Variants in FBP2 observed in about 807,000 individuals in gnomAD.
FBP2 encodes fructose-1,6-bisphosphatase isozyme 2.
Under a neutral mutation model 31.6 loss-of-function variants are expected in FBP2, and 27 were observed. The ratio of observed to expected loss-of-function variants is 0.85; its 90% CI spans 0.63 to 1.18. The LOEUF (loss-of-function observed/expected upper bound fraction) is 1.18, where lower values mean the gene tolerates loss of function less well. Among genes scored for constraint, FBP2 ranks in the 50% most tolerant of loss-of-function variants. The pLI, the probability that FBP2 is intolerant of heterozygous loss-of-function variation, is 0.00. For synonymous variants in FBP2, 168 were observed against 179.8 expected, an observed-to-expected ratio of 0.93 and a Z score of 0.53; for missense variants, 421 against 436.1, an observed-to-expected ratio of 0.97 and a Z score of 0.31.
chr9:94,577,575 T>A (rs1002674181), intron 3 of FBP2: 1 of 152,240 alleles, frequency 6.6e-6, no homozygotes, highest in Admixed American at 6.5e-5. Context: ...TCATTATTTA[T>A]GGTCTAAATT....
chr9:94,588,688 T>C (rs577523685), intron 1 of FBP2, among the ~76,000 whole-genome samples: 42 of 152,294 alleles, frequency 2.8e-4, no homozygotes, highest in Admixed American at 5.9e-4. Context: ...ACTTCCACCC[T>C]CGCCCCTTCA....
intron 3 of FBP2, among the ~76,000 whole-genome samples, chr9:94,573,308 G>C (rs1332217575): frequency 6.6e-6 from 1 of 152,114 alleles, no homozygotes; most frequent in Non-Finnish European, 1.5e-5. Flanking sequence ...GCCCAGGGTG[G>C]AGTGCAGTGG....
Position 94,567,272 on chromosome 9 carries a change from C to T in FBP2, c.703G>A (p.Glu235Lys). 6.2e-7 allele frequency: 1 copy of T among 1,614,140 alleles called. No homozygotes were observed. The highest frequency in any genetic ancestry group is 8.5e-7 in the Non-Finnish European group (1 of 1,180,026). Residue 235 changes from glutamate to lysine, a missense_variant and splice_region_variant, in exon 5 of 7, where the codon GAG becomes AAG. Physicochemically the swap from Glu to Lys is moderately conservative, Grantham distance 56. Transcript: ENST00000375337. ...CCCACCTGGCTTTCTTCACTCACCT[C>T]AGGGAATTTCTTTTTCTGCACATAT... ...TEYVQKKKFP[E>K]DGSAPYGARY... is the part of the protein sequence containing the mutation.
chr9:94,593,706 G>C lies in FBP2; in HGVS notation c.21C>G (p.Phe7Leu), dbSNP rs145086444. Residue 7 changes from phenylalanine (F) to leucine (L), a missense_variant, in exon 1 of 7, where the codon TTC becomes TTG. By Grantham distance (22) the Phe-to-Leu change is conservative. Coordinates refer to ENST00000375337, the MANE Select transcript of FBP2 (RefSeq NM_003837.4). Reference protein sequence around the residue: MTDRSPFETDMLTLTRY... With the variant: MTDRSPLETDMLTLTRY... ...GGGTCAGGGTGAGCATGTCGGTTTC[G>C]AAGGGGCTTCTGTCCGTCATTTTGG... The C allele has an allele frequency of 3.1e-6, 5 of 1,614,180 alleles. No homozygotes were observed. The South Asian group carries it at 4.4e-5, about 14-fold the overall frequency.
At chr9:94,567,221 C>G in intron 5 of FBP2, 49 bp downstream of exon 5, 1 of 1,607,760 alleles carries the variant, frequency 6.2e-7, no homozygotes, top group Non-Finnish European at 8.5e-7. Context: ...AAACAGGACC[C>G]CATGGGGACA....
At chr9:94,580,148 T>C (rs1328555452) in intron 3 of FBP2, among the ~76,000 whole-genome samples, 1 of 152,234 alleles carries the variant, frequency 6.6e-6, no homozygotes, top group Non-Finnish European at 1.5e-5. Flanking sequence ...CTATGTTGTC[T>C]TTATTAGGTT....
At position 94,583,470 on chromosome 9, in the gene FBP2, T is replaced by TAC. The variant is rs541678018; in HGVS notation, c.426+1106_426+1107insGT. ...AATATAACCCAAACTATACAGGCCT[T>TAC]AAATACTCATATTTCTGCCATAGAT... On this transcript the variant is annotated intron_variant, in intron 3 of 6. Transcript: ENST00000375337. 3.0e-4 allele frequency among the ~76,000 whole-genome samples: 46 copies of TAC among 152,328 alleles called. No individual in the cohort carries two copies. In the East Asian group the frequency reaches 6.9e-3, roughly 23 times the overall value.
chr9:94,568,719 C>T (rs535514675), intron 4 of FBP2: 2 of 152,268 alleles, frequency 1.3e-5, no homozygotes, highest in African/African-American at 2.4e-5. Context: ...CAAGGAGACT[C>T]AATAACAAAA....
At chr9:94,582,075 A>G (rs1490123217) in intron 3 of FBP2, among the ~76,000 whole-genome samples, 1 of 152,188 alleles carries the variant, frequency 6.6e-6, no homozygotes, top group African/African-American at 2.4e-5. Flanking sequence ...ACCAGCCAAG[A>G]CTACAGCTTT....
At position 94,584,622 on chromosome 9, in the gene FBP2, A is replaced by G; in HGVS notation, c.381T>C (p.Ile127=). 1 of 1,613,958 alleles carries G rather than the reference A, an allele frequency of 6.2e-7. No homozygotes were observed. The highest frequency in any genetic ancestry group is 8.5e-7 in the Non-Finnish European group (1 of 1,179,822). Residue 127 remains isoleucine (I), a synonymous_variant, in exon 3 of 7, where the codon ATT becomes ATC. Coordinates refer to ENST00000375337, the MANE Select transcript of FBP2 (RefSeq NM_003837.4). ...CFDPLDGSSN[I]DCLASIGTIF... ...TGGTTCCGATGGAGGCCAGGCAGTC[A>G]ATATTGGAAGATCCATCCAGTGGGT...
chr9:94,590,177 G>A (rs571054226), intron 1 of FBP2, among the ~76,000 whole-genome samples: 3 of 152,196 alleles, frequency 2.0e-5, no homozygotes, highest in Non-Finnish European at 2.9e-5. Context: ...CTTCACCTGA[G>A]ATGATGGGGG....
At position 94,559,071 on chromosome 9, in the gene FBP2, G is replaced by T. The variant is rs374298239; in HGVS notation, c.887C>A (p.Ala296Glu). 6.2e-7 allele frequency: 1 copy of T among 1,614,058 alleles called. No homozygotes were observed. The highest frequency in any genetic ancestry group is 2.2e-5 in the East Asian group (1 of 44,856). Residue 296 changes from alanine (A) to glutamate (E), a missense_variant, in exon 7 of 7, where the codon GCG becomes GAG. By Grantham distance (107) the Ala-to-Glu change is moderately radical. Coordinates refer to ENST00000375337, the MANE Select transcript of FBP2 (RefSeq NM_003837.4). Reference protein sequence around the residue: ...AYIIEQAGGLATTGTQPVLDV... With the variant: ...AYIIEQAGGLETTGTQPVLDV... ...CAGTACAGGCTGGGTCCCCGTGGTC[G>T]CCAAGCCTCCTGCCTGCTCAATGAT...
At chr9:94,593,508 G>T in intron 1 of FBP2, 49 bp downstream of exon 1, 2 of 1,549,828 alleles carry the variant, frequency 1.3e-6, no homozygotes, top group African/African-American at 1.4e-5. Flanking sequence ...CCACACCCCT[G>T]CCTGGGCCTG....
At chr9:94,590,107 A>G (rs1177003244) in intron 1 of FBP2, among the ~76,000 whole-genome samples, 1 of 151,740 alleles carries the variant, frequency 6.6e-6, no homozygotes, top group African/African-American at 2.4e-5. Context: ...GGCACTGGGC[A>G]GCACCCCTCC....
Position 94,579,330 on chromosome 9 carries a change from G to A in FBP2, c.426+5247C>T, listed in dbSNP as rs145845814. Among the ~76,000 whole-genome samples, 45 of 149,306 alleles carry A rather than the reference G, an allele frequency of 3.0e-4. No homozygotes were observed. In the East Asian group the frequency reaches 8.3e-3, roughly 28 times the overall value. ...GGAGAATGGTGTGAACCCAGTAGGCGGAGCTTGCAGTGAGCCGAGATTATG... is the reference window on the plus strand; with the variant it reads ...GGAGAATGGTGTGAACCCAGTAGGCAGAGCTTGCAGTGAGCCGAGATTATG... On this transcript the variant is annotated intron_variant, in intron 3 of 6. Transcript: ENST00000375337.
intron 3 of FBP2, among the ~76,000 whole-genome samples, chr9:94,579,050 C>CTCAAAAA (rs1564185204): frequency 3.3e-5 from 1 of 30,606 alleles, no homozygotes; most frequent in Admixed American, 4.7e-4. Context: ...GAGACTCTGT[C>CTCAAAAA]AAAAAAAAAA....
intron 5 of FBP2, among the ~76,000 whole-genome samples, chr9:94,565,156 C>T (rs1827167196): frequency 6.6e-6 from 1 of 152,052 alleles, no homozygotes; most frequent in South Asian, 2.1e-4. Context: ...GGTGGATCAC[C>T]TGTGGTCAGG....
chr9:94,571,612 A>G lies in FBP2; in HGVS notation c.427-10T>C. 1 of 1,608,380 alleles carries G rather than the reference A, an allele frequency of 6.2e-7. No individual in the cohort carries two copies. The highest frequency in any genetic ancestry group is 8.5e-7 in the Non-Finnish European group (1 of 1,176,936). On this transcript the variant is annotated splice_polypyrimidine_tract_variant and intron_variant, in intron 3 of 6. Transcript: ENST00000375337. Reference sequence around the variant, plus strand: ...GCTCATCCTCTGAGGTCTGTGGAAGAGAGGGATAAATGCCATGTGTTATTG... The same window carrying G: ...GCTCATCCTCTGAGGTCTGTGGAAGGGAGGGATAAATGCCATGTGTTATTG...
intron 1 of FBP2, among the ~76,000 whole-genome samples, chr9:94,590,932 C>T (rs1158333958): frequency 3.3e-5 from 5 of 152,262 alleles, no homozygotes; most frequent in African/African-American, 9.6e-5. Context: ...CTCCAAGGCC[C>T]CACCAGAGCA....
Sources: gnomAD v4.1 joint callset for allele counts (sites outside exome capture counted in the v4.1 genomes callset) on GRCh38, gnomAD v4.1.1 for gene constraint, MANE v1.5 for transcripts, NCBI Gene and HGNC (gene_info 2026-07-23, HGNC 2026-07-21) for gene names.